TENM4: variants seen among roughly 807,000 people sequenced by gnomAD.
TENM4 encodes the protein teneurin-4.
Under a neutral mutation model 243.3 loss-of-function variants are expected in TENM4, and 82 were observed. The observed-to-expected ratio is 0.34, with a 90% CI of 0.28 to 0.40. The LOEUF (loss-of-function observed/expected upper bound fraction) is 0.40. Ranked by LOEUF, TENM4 falls within the 10% of genes least tolerant of loss-of-function variation. The pLI is 1.00. For synonymous variants in TENM4, 1,412 were observed against 1,456.3 expected, an observed-to-expected ratio of 0.97 and a Z score of 0.69; for missense variants, 3,138 against 3,673.3, an observed-to-expected ratio of 0.85 and a Z score of 3.77.
chr11:78,742,576 G>C (rs1248725780), intron 19 of TENM4, among the ~76,000 whole-genome samples: 1 of 152,158 alleles, frequency 6.6e-6, no homozygotes, highest in East Asian at 1.9e-4. Context: ...GCATATGTCA[G>C]GCAGCTGGGA....
intron 2 of TENM4, 130 bp downstream of exon 2, chr11:79,297,358 C>T (rs987644637): frequency 2.6e-5 from 4 of 152,612 alleles, no homozygotes; most frequent in Non-Finnish European, 4.4e-5. Flanking sequence ...TTTACTGACT[C>T]GTGCAATACT....
chr11:78,933,135 G>A (rs925774667), intron 6 of TENM4, among the ~76,000 whole-genome samples: 1 of 152,134 alleles, frequency 6.6e-6, no homozygotes, highest in African/African-American at 2.4e-5. Flanking sequence ...AGATTTGACT[G>A]TGGAATAGGC....
At chr11:79,091,998 A>G (rs541636129) in intron 4 of TENM4, among the ~76,000 whole-genome samples, 2 of 152,152 alleles carry the variant, frequency 1.3e-5, no homozygotes, top group African/African-American at 4.8e-5. Context: ...TCGCCTCATC[A>G]TCCCTCACTT....
Position 78,903,498 on chromosome 11 carries a change from G to C in TENM4, c.519C>G (p.His173Gln), listed in dbSNP as rs1855987207. The change falls in exon 7 of 34, where the codon CAC becomes CAG. Residue 173 changes from histidine to glutamine, a missense_variant. Physicochemically the swap from His to Gln is conservative, Grantham distance 24 (BLOSUM62 0). Coordinates refer to ENST00000278550, the MANE Select transcript of TENM4 (RefSeq NM_001098816.3). ...GCGGCGGCGGCGTCCGGAGCCGCGCGTGGTTCTGCAGGCCGCCCGGATGAT... is the reference window on the plus strand; with the variant it reads ...GCGGCGGCGGCGTCCGGAGCCGCGCCTGGTTCTGCAGGCCGCCCGGATGAT... Reference protein sequence around the residue: ...ETDHPGGLQNHARLRTPPPPL... With the variant: ...ETDHPGGLQNQARLRTPPPPL... The C allele has an allele frequency of 9.0e-6, 14 of 1,547,728 alleles. No individual in the cohort carries two copies. Among genetic ancestry groups the C allele is most frequent in the Non-Finnish European group, 1.2e-5 (14 of 1,146,488 alleles).
chr11:79,417,056 T>C (rs1433177835), intron 1 of TENM4, among the ~76,000 whole-genome samples: 3 of 152,180 alleles, frequency 2.0e-5, no homozygotes. Flanking sequence ...AAAACAGATA[T>C]CTGGAAAGTA....
chr11:78,886,531 G>C (rs1344409350), intron 9 of TENM4, among the ~76,000 whole-genome samples: 1 of 152,186 alleles, frequency 6.6e-6, no homozygotes, highest in Non-Finnish European at 1.5e-5. Context: ...CTTATACCAA[G>C]CTCACAAGCA....
intron 6 of TENM4, among the ~76,000 whole-genome samples, chr11:79,035,251 A>C (rs1859347979): frequency 2.0e-5 from 3 of 152,352 alleles, no homozygotes; most frequent in Admixed American, 6.5e-5. Context: ...CTCATCTTGC[A>C]GAATCCACAG....
At chr11:78,872,855 T>C (rs1288612255) in intron 9 of TENM4, among the ~76,000 whole-genome samples, 1 of 152,206 alleles carries the variant, frequency 6.6e-6, no homozygotes, top group Non-Finnish European at 1.5e-5. Context: ...CAAAGTCAAT[T>C]AGGAGGTGGT....
intron 1 of TENM4, among the ~76,000 whole-genome samples, chr11:79,408,911 CAT>C (rs1858628635): frequency 6.6e-6 from 1 of 152,148 alleles, no homozygotes; most frequent in Non-Finnish European, 1.5e-5. Flanking sequence ...AGTGGAAGCT[CAT>C]AGCAGAATTA....
intron 6 of TENM4, among the ~76,000 whole-genome samples, chr11:78,984,963 G>C (rs1420309962): frequency 1.3e-5 from 2 of 152,182 alleles, no homozygotes; most frequent in African/African-American, 4.8e-5. Flanking sequence ...CTACTGGAGA[G>C]TGCTGCTGTA....
rs546703827 is a variant in TENM4, at chr11:78,862,903, C to T, written c.1255+59G>A. 17 of 1,325,570 alleles carry T rather than the reference C, an allele frequency of 1.3e-5. No homozygotes were observed. The African/African-American group carries it at 1.8e-4, about 14-fold the overall frequency. The allele number at this position is 1,325,570 out of a possible 1,614,324, so 82.1% of individuals were successfully genotyped here. ...CATGATGCACGCACGTTATGGAGGG[C>T]TCTTCAGCTCAGAGGCAGACACAGA... On this transcript the variant is annotated intron_variant, in intron 10 of 33. Transcript: ENST00000278550.
At chr11:79,304,272 C>A (rs1425578843) in intron 1 of TENM4, among the ~76,000 whole-genome samples, 3 of 152,220 alleles carry the variant, frequency 2.0e-5, no homozygotes, top group African/African-American at 7.2e-5. Context: ...TCCCAGGAAT[C>A]CTAAGGCTCA....
intron 1 of TENM4, among the ~76,000 whole-genome samples, chr11:79,323,912 C>T (rs1856932601): frequency 6.6e-6 from 1 of 151,768 alleles, no homozygotes; most frequent in Non-Finnish European, 1.5e-5. Context: ...CATATATACA[C>T]TGACATACAT....
chr11:79,084,333 C>T (rs1410205415), intron 4 of TENM4, among the ~76,000 whole-genome samples: 1 of 152,176 alleles, frequency 6.6e-6, no homozygotes, highest in Non-Finnish European at 1.5e-5. Context: ...ACTAAATATG[C>T]AATTACTGTA....
At chr11:79,214,977 A>C (rs570713853) in intron 3 of TENM4, among the ~76,000 whole-genome samples, 3 of 152,262 alleles carry the variant, frequency 2.0e-5, no homozygotes, top group African/African-American at 7.2e-5. Context: ...TTACTGCAGC[A>C]TAACTAAGCC....
At chr11:79,190,476 C>T (rs1191301029) in intron 3 of TENM4, among the ~76,000 whole-genome samples, 1 of 152,126 alleles carries the variant, frequency 6.6e-6, no homozygotes, top group Non-Finnish European at 1.5e-5. Flanking sequence ...ACCTTCAAGA[C>T]CTGGCACAGG....
intron 5 of TENM4, among the ~76,000 whole-genome samples, chr11:79,066,648 AC>A: frequency 6.6e-6 from 1 of 152,106 alleles, no homozygotes; most frequent in Non-Finnish European, 1.5e-5. Context: ...ACAAGTGCAC[AC>A]ACACGTGCAA....
chr11:79,275,493 A>G (rs1028367693), intron 2 of TENM4, among the ~76,000 whole-genome samples: 1 of 152,216 alleles, frequency 6.6e-6, no homozygotes, highest in African/African-American at 2.4e-5. Context: ...GCCTGCAAAC[A>G]AGCAAACCAA....
At chr11:78,830,921 T>C (rs1291188127) in intron 12 of TENM4, among the ~76,000 whole-genome samples, 2 of 152,190 alleles carry the variant, frequency 1.3e-5, no homozygotes, top group African/African-American at 4.8e-5. Flanking sequence ...AATTTAGACA[T>C]GAAATAAGGT....
Sources: allele counts gnomAD v4.1 joint callset (sites outside exome capture counted in the v4.1 genomes callset), GRCh38; gene constraint gnomAD v4.1.1; transcripts MANE v1.5; gene names NCBI Gene and HGNC (gene_info 2026-07-23, HGNC 2026-07-21).